SPON1: variants seen among roughly 807,000 people sequenced by gnomAD.
SPON1 encodes spondin-1.
A neutral mutation model predicts 111.7 loss-of-function variants in SPON1; 52 were observed. The observed-to-expected ratio is 0.47, with a 90% confidence interval of 0.37 to 0.59. The LOEUF is 0.59. Ranked by LOEUF, SPON1 falls within the 20% of genes least tolerant of loss-of-function variation. SPON1 has a pLI of 0.00. For missense variants in SPON1, 957 were observed against 1,068.5 expected (o/e 0.90, Z 1.46); for synonymous variants, 410 against 395.8 (o/e 1.04, Z -0.43).
chr11:14,262,665 C>T (rs782289613), intron 14 of SPON1, 47 bp from the exon 15 acceptor site: 5 of 1,607,906 alleles, frequency 3.1e-6, no homozygotes, highest in Non-Finnish European at 4.3e-6. Context: ...GTGACCATAT[C>T]TTGTTTCAGA....
intron 2 of SPON1, among the ~76,000 whole-genome samples, chr11:14,006,785 A>G (rs782385467): frequency 1.2e-4 from 19 of 152,262 alleles, no homozygotes; most frequent in South Asian, 4.1e-4. Context: ...CTTTGTGCTT[A>G]CACCTGAGCC....
intron 2 of SPON1, among the ~76,000 whole-genome samples, chr11:14,022,141 C>T (rs1241678443): frequency 2.0e-5 from 3 of 152,112 alleles, no homozygotes; most frequent in Non-Finnish European, 2.9e-5. Context: ...AGCAGAGGGT[C>T]GTTATGAATT....
At chr11:14,238,080 T>A (rs1848886356) in intron 6 of SPON1, among the ~76,000 whole-genome samples, 1 of 152,240 alleles carries the variant, frequency 6.6e-6, no homozygotes, top group Admixed American at 6.5e-5. Context: ...AAATGTGTTG[T>A]AAGGATTAAA....
intron 6 of SPON1, among the ~76,000 whole-genome samples, chr11:14,233,162 T>C (rs1848821974): frequency 6.6e-6 from 1 of 152,192 alleles, no homozygotes. Flanking sequence ...CGGCCTCATA[T>C]ATCTACCTTC....
At chr11:14,155,223 C>G (rs1847829889) in intron 6 of SPON1, among the ~76,000 whole-genome samples, 1 of 152,202 alleles carries the variant, frequency 6.6e-6, no homozygotes, top group Non-Finnish European at 1.5e-5. Context: ...TACACATTTT[C>G]AAGTATCTTT....
At chr11:14,244,301 C>G (rs1427336746) in intron 7 of SPON1, among the ~76,000 whole-genome samples, 1 of 152,096 alleles carries the variant, frequency 6.6e-6, no homozygotes, top group African/African-American at 2.4e-5. Flanking sequence ...GGGCAGATCA[C>G]GAGGTCAGGA....
chr11:14,172,033 T>G (rs1848108862), intron 6 of SPON1, among the ~76,000 whole-genome samples: 1 of 152,192 alleles, frequency 6.6e-6, no homozygotes, highest in African/African-American at 2.4e-5. Context: ...CTGAGTTCAA[T>G]TCCTGGATAT....
At chr11:13,995,650 A>T (rs781999405) in intron 2 of SPON1, among the ~76,000 whole-genome samples, 36 of 152,290 alleles carry the variant, frequency 2.4e-4, no homozygotes, top group Middle Eastern at 3.4e-3. Flanking sequence ...AGGGACACAG[A>T]GCCAAACCAT....
chr11:14,201,508 C>G (rs1591409267), intron 6 of SPON1, among the ~76,000 whole-genome samples: 1 of 151,934 alleles, frequency 6.6e-6, no homozygotes, highest in Non-Finnish European at 1.5e-5. Flanking sequence ...AATCAATCCT[C>G]CCACCTCAGC....
intron 5 of SPON1, among the ~76,000 whole-genome samples, chr11:14,122,910 C>T (rs1847411300): frequency 6.6e-6 from 1 of 150,974 alleles, no homozygotes; most frequent in Non-Finnish European, 1.5e-5. Context: ...GGTTACATTT[C>T]CTGCCTTTAT....
chr11:14,245,240 C>T (rs1171952350), intron 7 of SPON1, among the ~76,000 whole-genome samples: 1 of 152,100 alleles, frequency 6.6e-6, no homozygotes, highest in Non-Finnish European at 1.5e-5. Flanking sequence ...TGCCTGGGAG[C>T]AGGGAAGCTA....
chr11:14,131,777 C>G (rs1373104746), intron 5 of SPON1, among the ~76,000 whole-genome samples: 3 of 152,092 alleles, frequency 2.0e-5, no homozygotes, highest in Non-Finnish European at 2.9e-5. Flanking sequence ...TCTTCTGGCT[C>G]CTGGTCACCA....
intron 6 of SPON1, among the ~76,000 whole-genome samples, chr11:14,160,625 A>T (rs868966632): frequency 3.3e-5 from 1 of 30,342 alleles, no homozygotes; most frequent in South Asian, 1.2e-3. Flanking sequence ...ATTTATATAT[A>T]TATTTATATA....
chr11:14,168,628 T>C (rs1440419652), intron 6 of SPON1, among the ~76,000 whole-genome samples: 1 of 152,106 alleles, frequency 6.6e-6, no homozygotes, highest in Admixed American at 6.5e-5. Context: ...GCATTAGGTA[T>C]ATCTCCTAAT....
chr11:14,021,829 G>C (rs1423982216), intron 2 of SPON1, among the ~76,000 whole-genome samples: 3 of 152,208 alleles, frequency 2.0e-5, no homozygotes, highest in Non-Finnish European at 4.4e-5. Context: ...AAGAAACCCA[G>C]TTCTCTTAAG....
intron 6 of SPON1, among the ~76,000 whole-genome samples, chr11:14,217,575 T>C (rs1354517369): frequency 6.6e-6 from 1 of 152,180 alleles, no homozygotes; most frequent in Non-Finnish European, 1.5e-5. Context: ...TTGAATCTTG[T>C]AGCTTCTGTA....
chr11:14,045,350 G>A (rs1408767432), intron 3 of SPON1, among the ~76,000 whole-genome samples: 16 of 152,074 alleles, frequency 1.1e-4, no homozygotes, highest in South Asian at 4.1e-4. Flanking sequence ...CGAGAGGGGG[G>A]CAGATCGCCT....
At chr11:14,218,869 G>C (rs1372566981) in intron 6 of SPON1, among the ~76,000 whole-genome samples, 4 of 152,202 alleles carry the variant, frequency 2.6e-5, no homozygotes, top group African/African-American at 9.6e-5. Context: ...AGCTCTGTCT[G>C]TTGACAATTT....
At chr11:14,204,710 G>GTT (rs67654280) in intron 6 of SPON1, among the ~76,000 whole-genome samples, 121 of 150,026 alleles carry the variant, frequency 8.1e-4, no homozygotes, top group Middle Eastern at 3.5e-3. Flanking sequence ...TTTGTTTTTG[G>GTT]TTTTTTTTTT....
Sources: allele counts gnomAD v4.1 joint callset (sites outside exome capture counted in the v4.1 genomes callset), GRCh38; gene constraint gnomAD v4.1.1; transcripts MANE v1.5; gene names NCBI Gene and HGNC (gene_info 2026-07-23, HGNC 2026-07-21).